Variants in COL4A3 observed in about 807,000 individuals in gnomAD.
COL4A3 encodes the protein collagen type IV alpha 3 chain.
A neutral mutation model predicts 217.4 loss-of-function variants in COL4A3; 135 were observed. The observed-to-expected ratio is 0.62, with a 90% CI of 0.54 to 0.72. The LOEUF (loss-of-function observed/expected upper bound fraction) is 0.72, where lower values mean the gene tolerates loss of function less well. Among genes scored for constraint, COL4A3 ranks in the 30% least tolerant of loss-of-function variants. COL4A3 has a pLI of 0.00. For synonymous variants in COL4A3, 690 were observed against 736.3 expected, an observed-to-expected ratio of 0.94 and a Z score of 1.02; for missense variants, 1,868 against 2,119.9, an observed-to-expected ratio of 0.88 and a Z score of 2.33.
intron 11 of COL4A3, among the ~76,000 whole-genome samples, 174 bp downstream of exon 11, chr2:227,251,545 G>A (rs529411698): frequency 6.6e-6 from 1 of 152,262 alleles, no homozygotes; most frequent in Admixed American, 6.5e-5. Flanking sequence ...TTGCATTTCA[G>A]TACCTTGATC....
chr2:227,178,939 T>TA (rs1559798029), intron 1 of COL4A3, among the ~76,000 whole-genome samples: 1 of 151,932 alleles, frequency 6.6e-6, no homozygotes, highest in African/African-American at 2.4e-5. Flanking sequence ...CCTTTTCCTT[T>TA]AAAAAAATAA....
intron 11 of COL4A3, among the ~76,000 whole-genome samples, chr2:227,252,502 C>CA (rs369104922): frequency 1.6e-3 from 249 of 152,052 alleles, no homozygotes; most frequent in African/African-American, 5.8e-3. Context: ...AGGCATGAGC[C>CA]ACTATGCCCG....
chr2:227,205,211 A>T (rs563851010), intron 1 of COL4A3, among the ~76,000 whole-genome samples: 8 of 150,470 alleles, frequency 5.3e-5, no homozygotes, highest in Admixed American at 1.3e-4. Context: ...ACTACAAAAA[A>T]TGTTATGAGG....
intron 1 of COL4A3, among the ~76,000 whole-genome samples, chr2:227,208,811 T>C (rs2396448): frequency 2.0e-5 from 2 of 101,926 alleles, no homozygotes; most frequent in African/African-American, 4.1e-5. Context: ...CACACATATA[T>C]ACAGAAGGAG....
At chr2:227,189,423 G>A (rs1037837529) in intron 1 of COL4A3, among the ~76,000 whole-genome samples, 3 of 152,112 alleles carry the variant, frequency 2.0e-5, no homozygotes, top group Admixed American at 6.5e-5. Context: ...GACCAAGAGG[G>A]TGGAAAGAAG....
rs776741595 is a variant in COL4A3, at chr2:227,276,464, C to G, written c.2007C>G (p.Pro669=). The change falls in exon 27 of 52, where the codon CCC becomes CCG. Residue 669 remains proline (P), a synonymous_variant. Coordinates refer to ENST00000396578, the MANE Select transcript of COL4A3 (RefSeq NM_000091.5). ...GPPGPPGHPG[P]QGPPGIPGSL... is the part of the protein sequence containing the mutation. ...CAGGGCCCCCTGGCCATCCTGGCCCCCAAGGTCCACCTGGTAAGTATCCTC... is the reference window on the plus strand; with the variant it reads ...CAGGGCCCCCTGGCCATCCTGGCCCGCAAGGTCCACCTGGTAAGTATCCTC... 1.2e-6 allele frequency: 2 copies of G among 1,613,526 alleles called. No individual in the cohort carries two copies. Among genetic ancestry groups the G allele is most frequent in the African/African-American group, 2.7e-5 (2 of 74,924 alleles).
chr2:227,308,181 C>T (rs892412665), intron 48 of COL4A3, among the ~76,000 whole-genome samples: 1 of 152,126 alleles, frequency 6.6e-6, no homozygotes, highest in Non-Finnish European at 1.5e-5. Context: ...CCTAAACCAC[C>T]TGTCTGCATT....
rs1417226394 is a variant in COL4A3 at position 227,203,159 on chromosome 2, A to G, written c.88-34809A>G. On this transcript the variant is annotated intron_variant, in intron 1 of 51. Coordinates refer to ENST00000396578, the MANE Select transcript of COL4A3 (RefSeq NM_000091.5). ...TATGTGTATATATGTGTATATATACATATATGTGTATATATGTGTATATGT... is the reference window on the plus strand; with the variant it reads ...TATGTGTATATATGTGTATATATACGTATATGTGTATATATGTGTATATGT... Among the ~76,000 whole-genome samples the G allele has an allele frequency of 3.4e-4, 8 of 23,790 alleles. 3 individuals are homozygous for G. The highest frequency in any genetic ancestry group is 1.1e-3 in the Admixed American group (2 of 1,878). The allele number at this position is 23,790 out of a possible 152,430, so 15.6% of individuals were successfully genotyped here.
At chr2:227,181,453 A>G (rs372028865) in intron 1 of COL4A3, among the ~76,000 whole-genome samples, 1 of 152,258 alleles carries the variant, frequency 6.6e-6, no homozygotes, top group African/African-American at 2.4e-5. Flanking sequence ...TAGATTGAAC[A>G]TAACTATTCT....
rs2072136602 is a variant in COL4A3 at position 227,283,760 on chromosome 2, T to G, written c.2657-7T>G. ...ACGTGCTGCTTTGTGTTAATTTGTT[T>G]CCATAGGTGAAGATGGAGTGATTGG... On this transcript the variant is annotated splice_polypyrimidine_tract_variant and splice_region_variant and intron_variant, in intron 32 of 51. Transcript: ENST00000396578. 1 of 1,613,274 alleles carries G rather than the reference T, an allele frequency of 6.2e-7. No individual in the cohort carries two copies. The highest frequency in any genetic ancestry group is 1.3e-5 in the African/African-American group (1 of 74,912).
At chr2:227,249,230 A>ATATATATTTTTTTTTTTTTTTTTTTTT in intron 9 of COL4A3, among the ~76,000 whole-genome samples, 1 of 14,692 alleles carries the variant, frequency 6.8e-5, no homozygotes, top group African/African-American at 2.7e-4. Context: ...ATATATATAT[A>ATATATATTTTTTTTTTTTTTTTTTTTT]TTTTTTTTTT....
Position 227,298,694 on chromosome 2 carries a change from C to A in COL4A3, c.3764C>A (p.Pro1255His), listed in dbSNP as rs759579368. 20 of 1,613,870 alleles carry A rather than the reference C, an allele frequency of 1.2e-5. No homozygotes were observed. Among genetic ancestry groups the A allele is most frequent in the South Asian group, 1.1e-5 (1 of 91,066 alleles). The stretch of plus-strand genomic sequence containing the variant: ...TTCATGAATTCAGGTGCGCCTGGTC[C>A]CCCTGGACCTCCAGGGAGTCATGTA... ...GSRGSPGAPGPPGPPGSHVIG... is the reference protein window; with the variant it reads ...GSRGSPGAPGHPGPPGSHVIG... The change falls in exon 43 of 52, where the codon CCC becomes CAC. Residue 1255 changes from proline to histidine, a missense_variant. Transcript: ENST00000396578.
intron 1 of COL4A3, among the ~76,000 whole-genome samples, chr2:227,234,524 C>T (rs140394731): frequency 2.0e-5 from 3 of 152,254 alleles, no homozygotes; most frequent in African/African-American, 4.8e-5. Context: ...AAATTGGATG[C>T]AAATAAACCA....
In COL4A3 at chr2:227,259,892, C is replaced by T. The variant is rs746953642; in HGVS notation, c.1114+15C>T. ...TGGCCCACAAGGTAAGAATAAATTT[C>T]TTCCTAAAGCATTTGCTGAACATAT... On this transcript the variant is annotated intron_variant, in intron 19 of 51. Transcript: ENST00000396578. The T allele has an allele frequency of 7.6e-6, 12 of 1,586,676 alleles. 1 individual carries two copies. In the South Asian group the frequency reaches 1.2e-4, roughly 16 times the overall value.
intron 34 of COL4A3, among the ~76,000 whole-genome samples, chr2:227,285,848 A>G (rs2072287085): frequency 6.6e-6 from 1 of 152,200 alleles, no homozygotes; most frequent in Non-Finnish European, 1.5e-5. Context: ...AGGCTTTTCA[A>G]ATGCATAACC....
At chr2:227,280,322 A>G in intron 29 of COL4A3, 118 bp from the exon 30 acceptor site, 2 of 1,135,940 alleles carry the variant, frequency 1.8e-6, no homozygotes, top group Admixed American at 4.0e-5. Flanking sequence ...CTCAAAAAGG[A>G]AAGTTGATGA....
At chr2:227,183,731 A>G (rs2065929227) in intron 1 of COL4A3, among the ~76,000 whole-genome samples, 1 of 152,194 alleles carries the variant, frequency 6.6e-6, no homozygotes, top group African/African-American at 2.4e-5. Context: ...TTCTGGTGGT[A>G]GCACATCAAT....
intron 33 of COL4A3, 129 bp from the exon 34 acceptor site, chr2:227,284,082 T>A: frequency 7.7e-7 from 1 of 1,296,334 alleles, no homozygotes; most frequent in South Asian, 1.3e-5. Flanking sequence ...AAACTATTTA[T>A]CAAGTTCTCA....
intron 37 of COL4A3, among the ~76,000 whole-genome samples, chr2:227,291,593 CAAAAAAAAAAA>C (rs2072733014): frequency 2.1e-5 from 1 of 47,956 alleles, no homozygotes; most frequent in South Asian, 7.3e-4. Context: ...AAAAAAAAAA[CAAAAAAAAAAA>C]CACTTGTCTT....
Sources: allele counts gnomAD v4.1 joint callset (sites outside exome capture counted in the v4.1 genomes callset), GRCh38; gene constraint gnomAD v4.1.1; transcripts MANE v1.5; gene names NCBI Gene and HGNC (gene_info 2026-07-23, HGNC 2026-07-21).